INSL6: variants seen among roughly 807,000 people sequenced by gnomAD.
The protein encoded by INSL6 is insulin-like peptide INSL6.
A neutral mutation model predicts 9.4 loss-of-function variants in INSL6; 16 were observed. The ratio of observed to expected loss-of-function variants is 1.70; its 90% CI spans 1.15 to 2.59. INSL6 has a LOEUF of 2.59. INSL6 is among the 30% of genes most tolerant of loss of function. INSL6 has a pLI of 0.00. For synonymous variants in INSL6, 154 were observed against 96.9 expected (o/e 1.59, Z -3.46); for missense variants, 391 against 257.3 (o/e 1.52, Z -3.56).
chr9:5,056,597 C>G, the INSL6 span, among the ~76,000 whole-genome samples: 3 of 152,008 alleles, frequency 2.0e-5, no homozygotes, highest in African/African-American at 7.2e-5. Context: ...AGACTGTGAG[C>G]CTTTTGAAGG....
chr9:5,028,668 C>G, the INSL6 span, among the ~76,000 whole-genome samples: 10 of 152,338 alleles, frequency 6.6e-5, no homozygotes, highest in South Asian at 2.1e-3. Flanking sequence ...CTTTGGATAA[C>G]TTGCTGCATC....
chr9:5,051,550 A>G, the INSL6 span, among the ~76,000 whole-genome samples: 1 of 152,200 alleles, frequency 6.6e-6, no homozygotes, highest in Non-Finnish European at 1.5e-5. Context: ...ATTCTTATAC[A>G]AATGGTCCAA....
chr9:5,085,827 G>A, the INSL6 span: 2 of 760,436 alleles, frequency 2.6e-6, no homozygotes. Flanking sequence ...TGATCGAAAG[G>A]CTTTTCCTTT....
At chr9:5,180,833 G>C (rs926835707) in intron 1 of INSL6, among the ~76,000 whole-genome samples, 5 of 152,108 alleles carry the variant, frequency 3.3e-5, no homozygotes, top group Non-Finnish European at 7.4e-5. Context: ...CATTTGTCCT[G>C]TTCCCTCAGA....
At chr9:5,110,810 C>T in the INSL6 span, 2 of 427,988 alleles carry the variant, frequency 4.7e-6, no homozygotes, top group Non-Finnish European at 9.0e-6. Flanking sequence ...GCCTGGGGGC[C>T]CTGCTGCATC....
chr9:5,053,598 G>T, the INSL6 span, among the ~76,000 whole-genome samples: 1 of 151,992 alleles, frequency 6.6e-6, no homozygotes, highest in Non-Finnish European at 1.5e-5. Flanking sequence ...TGAAATAATG[G>T]AACAGAAGCC....
In INSL6 at chr9:5,156,542, TA is replaced by T. The variant is rs952977059; in HGVS notation, c.376+7636del. On this transcript the variant is annotated intron_variant, in intron 2 of 3. Coordinates refer to the INSL6 transcript ENST00000649639. ...ACAACATTCAACACCTACTCATGAT[TA>T]AAAAAAAATTCTCAGCAAACAGAAT... 4.6e-5 allele frequency among the ~76,000 whole-genome samples: 7 copies of T among 151,628 alleles called. No individual in the cohort carries two copies. In the East Asian group the frequency reaches 7.7e-4, roughly 17 times the overall value.
chr9:5,021,285 T>C, the INSL6 span, among the ~76,000 whole-genome samples: 6 of 152,330 alleles, frequency 3.9e-5, no homozygotes, highest in East Asian at 1.2e-3. Flanking sequence ...TTTTGGTTCT[T>C]CTTTGTGGAG....
the INSL6 span, chr9:5,085,147 T>C: frequency 3.1e-6 from 2 of 646,590 alleles, no homozygotes; most frequent in African/African-American, 3.6e-5. Flanking sequence ...TAATACATAC[T>C]GTGGAGCTCT....
chr9:5,164,141 A>G lies in INSL6; in HGVS notation c.414T>C (p.Asn138=), dbSNP rs757475664. Residue 138 remains asparagine, a synonymous_variant, in exon 2 of 2, where the codon AAT becomes AAC. Transcript: ENST00000381641. The stretch of plus-strand genomic sequence containing the variant: ...ATTTTGCATTCTCATGAATATATAC[A>G]TTGATATTATGTGATGAAGAAAATT... ...TREFSSSHNI[N]VYIHENAKFQ... is the part of the protein sequence containing the mutation. The G allele has an allele frequency of 1.1e-5, 18 of 1,610,256 alleles. No homozygotes were observed. The highest frequency in any genetic ancestry group is 1.4e-5 in the Non-Finnish European group (17 of 1,178,408).
intron 1 of INSL6, among the ~76,000 whole-genome samples, chr9:5,177,326 T>C (rs1479826152): frequency 6.6e-6 from 1 of 152,154 alleles, no homozygotes; most frequent in Non-Finnish European, 1.5e-5. Flanking sequence ...TGAGTGATTG[T>C]GCCACCCCGC....
chr9:5,069,807 C>A, the INSL6 span: 496 of 495,194 alleles, frequency 1.0e-3, 1 homozygote, highest in African/African-American at 9.1e-3. Context: ...AAAAAAAGAA[C>A]AATTAGGAGT....
At chr9:5,128,865 A>C (rs943849440) in intron 3 of INSL6, among the ~76,000 whole-genome samples, 2 of 152,044 alleles carry the variant, frequency 1.3e-5, no homozygotes, top group Admixed American at 1.3e-4. Flanking sequence ...TTTTCACGTT[A>C]ATATTCTTCA....
the INSL6 span, among the ~76,000 whole-genome samples, chr9:5,066,520 C>T: frequency 6.6e-6 from 1 of 151,964 alleles, no homozygotes; most frequent in South Asian, 2.1e-4. Flanking sequence ...TAGCTTGGTA[C>T]TTTGATTTTT....
chr9:5,080,348 G>A, the INSL6 span: 2 of 1,613,782 alleles, frequency 1.2e-6, no homozygotes, highest in Admixed American at 1.7e-5. Context: ...CAGTGGAGGA[G>A]ATAAACCTCT....
the INSL6 span, among the ~76,000 whole-genome samples, chr9:5,045,150 G>A: frequency 2.0e-5 from 3 of 152,106 alleles, no homozygotes; most frequent in Non-Finnish European, 4.4e-5. Context: ...TTGTTTTTAT[G>A]TGCTGCTAGA....
chr9:5,070,133 T>C, the INSL6 span: 12 of 978,804 alleles, frequency 1.2e-5, no homozygotes, highest in Middle Eastern at 4.9e-4. Flanking sequence ...TCATGTGACA[T>C]TGGAATTATT....
At chr9:5,078,707 C>G in the INSL6 span, among the ~76,000 whole-genome samples, 1 of 151,976 alleles carries the variant, frequency 6.6e-6, no homozygotes. Flanking sequence ...GGATTTTATC[C>G]ATTTTTAGTA....
At chr9:5,093,817 C>T in the INSL6 span, among the ~76,000 whole-genome samples, 65 of 152,142 alleles carry the variant, frequency 4.3e-4, no homozygotes, top group African/African-American at 1.3e-3. Flanking sequence ...ATGGTGTAGC[C>T]GCTATTAAGG....
Sources: allele counts gnomAD v4.1 joint callset (sites outside exome capture counted in the v4.1 genomes callset), GRCh38; gene constraint gnomAD v4.1.1; transcripts MANE v1.5; gene names NCBI Gene and HGNC (gene_info 2026-07-23, HGNC 2026-07-21).